The following RDH12 variants were observed in gnomAD, a reference collection of about 807,000 sequenced individuals.
RDH12 encodes the protein retinol dehydrogenase 12.
A neutral mutation model predicts 34.0 loss-of-function variants in RDH12; 21 were observed. That is an observed-to-expected ratio of 0.62 (90% CI 0.44 to 0.89). The LOEUF is 0.89. Ranked by LOEUF, RDH12 falls within the 40% of genes least tolerant of loss-of-function variation. RDH12 has a pLI of 0.00. For missense variants in RDH12, 394 were observed against 398.6 expected (o/e 0.99, Z 0.10); for synonymous variants, 198 against 169.9 (o/e 1.17, Z -1.29).
intron 2 of RDH12, among the ~76,000 whole-genome samples, chr14:67,721,462 G>C (rs1385722984): frequency 6.6e-6 from 1 of 152,100 alleles, no homozygotes; most frequent in Non-Finnish European, 1.5e-5. Flanking sequence ...CCTAAGCTCA[G>C]TCTTGAACTT....
intron 1 of RDH12, among the ~76,000 whole-genome samples, chr14:67,702,509 C>T (rs1473780087): frequency 1.3e-5 from 2 of 151,998 alleles, no homozygotes; most frequent in African/African-American, 4.8e-5. Flanking sequence ...CAAATCCTGA[C>T]CCTGTAAAAT....
chr14:67,727,018 A>G lies in RDH12; in HGVS notation c.486A>G (p.Leu162=). The G allele has an allele frequency of 1.2e-6, 2 of 1,613,302 alleles. No homozygotes were observed. ...FLLTYLLLER[L]KVSAPARVVN... ...TCACCTACCTGCTCCTGGAGCGGCT[A>G]AAGGTGTCTGCCCCTGCACGGGTGG... Residue 162 remains leucine, a synonymous_variant, in exon 7 of 9, where the codon CTA becomes CTG. Transcript: ENST00000551171.
At position 67,733,866 on chromosome 14, in the gene RDH12, G is replaced by A; in HGVS notation, c.*18G>A. On this transcript the variant is annotated 3_prime_UTR_variant, in exon 9 of 9. Transcript: ENST00000551171. ...GGGAGTAGCTGGTGGAAGAGCTGCA[G>A]CTTTATCAGGCCCAATCCATGCCAT... 6.4e-7 allele frequency: 1 copy of A among 1,557,284 alleles called. No homozygotes were observed. The highest frequency in any genetic ancestry group is 8.9e-7 in the Non-Finnish European group (1 of 1,129,316).
chr14:67,703,891 T>G (rs2037925629), intron 1 of RDH12, among the ~76,000 whole-genome samples: 1 of 152,292 alleles, frequency 6.6e-6, no homozygotes, highest in Non-Finnish European at 1.5e-5. Flanking sequence ...TTGCCCAGGC[T>G]GGTCTCAAAC....
At chr14:67,725,878 G>A (rs543854190) in intron 5 of RDH12, among the ~76,000 whole-genome samples, 173 bp from the exon 6 acceptor site, 1 of 152,234 alleles carries the variant, frequency 6.6e-6, no homozygotes, top group Non-Finnish European at 1.5e-5. Flanking sequence ...GTTATTGAGT[G>A]CTGAGGCAAT....
intron 1 of RDH12, among the ~76,000 whole-genome samples, chr14:67,716,721 T>C (rs939241656): frequency 6.6e-6 from 1 of 151,922 alleles, no homozygotes; most frequent in Non-Finnish European, 1.5e-5. Context: ...CCATCTCTAC[T>C]GAAAATACAA....
intron 8 of RDH12, among the ~76,000 whole-genome samples, 175 bp from the exon 9 acceptor site, chr14:67,733,571 A>G (rs928201314): frequency 1.3e-5 from 2 of 152,360 alleles, no homozygotes; most frequent in African/African-American, 4.8e-5. Flanking sequence ...GTGTATTACT[A>G]TATCACAAAT....
chr14:67,714,998 T>C (rs1435242415), intron 1 of RDH12: 2 of 152,220 alleles, frequency 1.3e-5, no homozygotes, highest in Non-Finnish European at 2.9e-5. Context: ...GCTGAGAGAA[T>C]TAATGTGTTT....
At chr14:67,712,453 G>A (rs1467644132) in intron 1 of RDH12, among the ~76,000 whole-genome samples, 2 of 64,842 alleles carry the variant, frequency 3.1e-5, no homozygotes, top group African/African-American at 4.6e-5. Flanking sequence ...AGCTATTAAT[G>A]AAGAAAACAG....
chr14:67,729,308 G>C lies in RDH12; in HGVS notation c.776G>C (p.Arg259Pro). ...TTCTCCCCCTTTGTCAAGACGGCAC[G>C]GGAGGGGGCGCAGACCAGCCTGCAC... ...RLFSPFVKTA[R>P]EGAQTSLHCA... The change falls in exon 8 of 9, where the codon CGG (arginine) becomes CCG (proline). Residue 259 changes from arginine (R) to proline (P), a missense_variant. Arg to Pro is a moderately radical substitution (Grantham distance 103). Coordinates refer to ENST00000551171, the MANE Select transcript of RDH12 (RefSeq NM_152443.3). 3 of 1,601,378 alleles carry C rather than the reference G, an allele frequency of 1.9e-6. No homozygotes were observed. Among genetic ancestry groups the C allele is most frequent in the East Asian group, 2.2e-5 (1 of 44,886 alleles).
chr14:67,727,686 T>C (rs898495611), intron 7 of RDH12: 6 of 201,794 alleles, frequency 3.0e-5, no homozygotes, highest in African/African-American at 1.4e-4. Flanking sequence ...TTCACCATGT[T>C]GTCCAGGTTG....
At chr14:67,706,906 G>C (rs975182363) in intron 1 of RDH12, among the ~76,000 whole-genome samples, 9 of 152,164 alleles carry the variant, frequency 5.9e-5, no homozygotes, top group African/African-American at 2.2e-4. Flanking sequence ...CTCATTTTTA[G>C]AAGGTTGTGA....
chr14:67,713,771 T>C (rs1285297186), intron 1 of RDH12, among the ~76,000 whole-genome samples: 2 of 152,190 alleles, frequency 1.3e-5, no homozygotes, highest in East Asian at 1.9e-4. Flanking sequence ...TTTGGTTTTA[T>C]ACATTCTAGG....
chr14:67,734,122 G>C lies in RDH12; in HGVS notation c.*274G>C, dbSNP rs1377418377. On this transcript the variant is annotated 3_prime_UTR_variant, in exon 9 of 9. Coordinates refer to ENST00000551171, the MANE Select transcript of RDH12 (RefSeq NM_152443.3). The stretch of plus-strand genomic sequence containing the variant: ...GGGCAGCAGGACTGGGCAGATCCCA[G>C]GCTGGGCATGGGGGTGGCAGAAGAG... The C allele has an allele frequency of 5.7e-6, 2 of 350,410 alleles. No individual in the cohort carries two copies. Among genetic ancestry groups the C allele is most frequent in the Admixed American group, 7.6e-5 (2 of 26,172 alleles). The allele number at this position is 350,410 out of a possible 1,614,324, so 21.7% of individuals were successfully genotyped here.
Position 67,725,174 on chromosome 14 carries a change from A to G in RDH12, c.263A>G (p.Lys88Arg). 3 of 1,614,228 alleles carry G rather than the reference A, an allele frequency of 1.9e-6. No homozygotes were observed. The highest frequency in any genetic ancestry group is 1.3e-5 in the African/African-American group (1 of 75,056). Residue 88 changes from lysine to arginine, a missense_variant, in exon 5 of 9, where the codon AAG (lysine) becomes AGG (arginine). By Grantham distance (26) the Lys-to-Arg change is conservative. Coordinates refer to ENST00000551171, the MANE Select transcript of RDH12 (RefSeq NM_152443.3). The stretch of plus-strand genomic sequence containing the variant: ...GCCAGTGAAATCCGAGTGGATACAA[A>G]GAACTCCCAGGTGCTGGTGCGGAAA... Reference protein sequence around the residue: ...SAASEIRVDTKNSQVLVRKLD... With the variant: ...SAASEIRVDTRNSQVLVRKLD...
At chr14:67,708,089 A>G (rs2037969088) in intron 1 of RDH12, among the ~76,000 whole-genome samples, 1 of 152,232 alleles carries the variant, frequency 6.6e-6, no homozygotes, top group African/African-American at 2.4e-5. Context: ...AATACTCACA[A>G]ATAATTTCCA....
chr14:67,718,208 T>A (rs963593366), intron 1 of RDH12, among the ~76,000 whole-genome samples: 1 of 152,174 alleles, frequency 6.6e-6, no homozygotes, highest in African/African-American at 2.4e-5. Context: ...TTAGGGAAGT[T>A]GGGCAGGGCT....
chr14:67,733,704 A>G, intron 8 of RDH12, 42 bp from the exon 9 acceptor site: 1 of 1,336,784 alleles, frequency 7.5e-7, no homozygotes, highest in Non-Finnish European at 1.1e-6. Flanking sequence ...CCAGACTGCT[A>G]ATTCTCATTC....
chr14:67,719,515 C>A (rs932065683), intron 1 of RDH12, among the ~76,000 whole-genome samples: 7 of 152,034 alleles, frequency 4.6e-5, no homozygotes, highest in Non-Finnish European at 8.8e-5. Flanking sequence ...TGCTCTGTTG[C>A]CCAGGCTGGA....
Sources: allele counts gnomAD v4.1 joint callset (sites outside exome capture counted in the v4.1 genomes callset), GRCh38; gene constraint gnomAD v4.1.1; transcripts MANE v1.5; gene names NCBI Gene and HGNC (gene_info 2026-07-23, HGNC 2026-07-21).